NR3C2: variants seen among roughly 807,000 people sequenced by gnomAD.
NR3C2 encodes the protein nuclear receptor subfamily 3 group C member 2.
In NR3C2, 15 loss-of-function variants were observed where a neutral mutation model predicts 86.4. The observed-to-expected ratio is 0.17, with a 90% CI of 0.12 to 0.27. The LOEUF is 0.27. Among genes scored for constraint, NR3C2 ranks in the 10% least tolerant of loss-of-function variants. NR3C2 has a pLI of 1.00. For missense variants in NR3C2, 960 were observed against 1,195.6 expected (o/e 0.80, Z 2.91); for synonymous variants, 458 against 450.5 (o/e 1.02, Z -0.21).
chr4:148,112,566 GC>G (rs1382148790), intron 8 of NR3C2, among the ~76,000 whole-genome samples: 3 of 152,148 alleles, frequency 2.0e-5, no homozygotes, highest in African/African-American at 7.2e-5. Flanking sequence ...AGCCTTGCTT[GC>G]CATCATCTCT....
chr4:148,308,588 G>A (rs148104310), intron 2 of NR3C2, among the ~76,000 whole-genome samples: 1 of 152,148 alleles, frequency 6.6e-6, no homozygotes, highest in South Asian at 2.1e-4. Context: ...GAAGGGTATG[G>A]GGAAGGGGGC....
chr4:148,341,570 T>A (rs1386235778), intron 2 of NR3C2, among the ~76,000 whole-genome samples: 1 of 152,100 alleles, frequency 6.6e-6, no homozygotes, highest in Non-Finnish European at 1.5e-5. Context: ...TAAATATAAT[T>A]TGTTGTATAG....
At chr4:148,333,770 C>T (rs1744348629) in intron 2 of NR3C2, among the ~76,000 whole-genome samples, 1 of 152,074 alleles carries the variant, frequency 6.6e-6, no homozygotes, top group South Asian at 2.1e-4. Context: ...GTTTTTGTCA[C>T]AAGAACAGAC....
chr4:148,350,358 T>G (rs1039146136), intron 2 of NR3C2, among the ~76,000 whole-genome samples: 1 of 152,218 alleles, frequency 6.6e-6, no homozygotes, highest in Non-Finnish European at 1.5e-5. Flanking sequence ...ATGGGAATGC[T>G]ATTCATAACA....
chr4:148,289,091 G>A (rs774506512), intron 2 of NR3C2, among the ~76,000 whole-genome samples: 4 of 151,972 alleles, frequency 2.6e-5, no homozygotes, highest in Admixed American at 6.6e-5. Context: ...ATTAAAAGGC[G>A]TTTTTGAGAC....
At chr4:148,276,016 AAAT>A (rs1554003911) in intron 2 of NR3C2, among the ~76,000 whole-genome samples, 1 of 152,228 alleles carries the variant, frequency 6.6e-6, no homozygotes, top group Non-Finnish European at 1.5e-5. Context: ...AGTACTATTT[AAAT>A]ATTATTCATA....
chr4:148,247,631 G>T (rs993527280), intron 3 of NR3C2, among the ~76,000 whole-genome samples: 1 of 150,830 alleles, frequency 6.6e-6, no homozygotes, highest in Admixed American at 6.6e-5. Flanking sequence ...GTATCCGTGG[G>T]CCTTTTTATT....
rs921370707 is a variant in NR3C2 at position 148,233,625 on chromosome 4, G to A, written c.1897+26353C>T. 1.4e-4 allele frequency among the ~76,000 whole-genome samples: 22 copies of A among 152,226 alleles called. 1 individual carries two copies. Among genetic ancestry groups the A allele is most frequent in the Middle Eastern group, 6.8e-3 (2 of 294 alleles). On this transcript the variant is annotated intron_variant, in intron 3 of 8. Transcript: ENST00000358102. ...TCCTCCCACCTCAGCCTCCCAAAGA[G>A]CTCAACTCAATTGGGCTAATTTCAA...
At chr4:148,203,207 G>A (rs1475518210) in intron 3 of NR3C2, among the ~76,000 whole-genome samples, 2 of 151,916 alleles carry the variant, frequency 1.3e-5, no homozygotes, top group Admixed American at 1.3e-4. Flanking sequence ...ATTCAAACAT[G>A]GGAACTATAT....
chr4:148,144,254 G>C (rs765540214), intron 6 of NR3C2, among the ~76,000 whole-genome samples: 7 of 152,060 alleles, frequency 4.6e-5, no homozygotes, highest in African/African-American at 7.2e-5. Context: ...ACCCAGGCTG[G>C]GGTGCAGTGG....
At chr4:148,164,310 AACTT>A (rs776100159) in intron 4 of NR3C2, among the ~76,000 whole-genome samples, 71 of 152,322 alleles carry the variant, frequency 4.7e-4, no homozygotes, top group African/African-American at 6.5e-4. Flanking sequence ...AAAAAAATAG[AACTT>A]ACTAAGGAAA....
At chr4:148,278,701 T>C (rs1448939736) in intron 2 of NR3C2, among the ~76,000 whole-genome samples, 1 of 152,156 alleles carries the variant, frequency 6.6e-6, no homozygotes, top group Non-Finnish European at 1.5e-5. Flanking sequence ...TGTCAAGAAA[T>C]TCCTCCTTAA....
intron 2 of NR3C2, among the ~76,000 whole-genome samples, chr4:148,389,522 T>C (rs17484839): frequency 0.078 from 11,825 of 152,192 alleles, 627 homozygotes; most frequent in Middle Eastern, 0.12. Flanking sequence ...TTCTTGTCCT[T>C]TGCTCGTTTC....
chr4:148,128,481 C>T (rs910594688), intron 6 of NR3C2, among the ~76,000 whole-genome samples: 4 of 152,222 alleles, frequency 2.6e-5, no homozygotes, highest in African/African-American at 9.6e-5. Context: ...CTATGAATGC[C>T]TGTAGAACTT....
At chr4:148,121,696 A>G (rs1267468313) in intron 6 of NR3C2, among the ~76,000 whole-genome samples, 1 of 152,244 alleles carries the variant, frequency 6.6e-6, no homozygotes, top group Non-Finnish European at 1.5e-5. Flanking sequence ...AACAGCATAC[A>G]GTACTGCTTT....
chr4:148,299,539 T>TGG (rs1742228219), intron 2 of NR3C2, among the ~76,000 whole-genome samples: 2 of 152,202 alleles, frequency 1.3e-5, no homozygotes, highest in African/African-American at 4.8e-5. Flanking sequence ...TGGCTGGAGC[T>TGG]GGGGCACATG....
At position 148,279,182 on chromosome 4, in the gene NR3C2, T is replaced by C. The variant is rs554176188; in HGVS notation, c.1758-19065A>G. The stretch of plus-strand genomic sequence containing the variant: ...CGTCTCAATAAATAAATAAATAAAG[T>C]TCTGGCTTTGAAACTAGTCTTGAAT... On this transcript the variant is annotated intron_variant, in intron 2 of 8. Coordinates refer to ENST00000358102, the MANE Select transcript of NR3C2 (RefSeq NM_000901.5). Among the ~76,000 whole-genome samples the C allele has an allele frequency of 2.0e-5, 3 of 152,098 alleles. No individual in the cohort carries two copies. The East Asian group carries it at 5.8e-4, about 29-fold the overall frequency.
rs191975772 is a variant in NR3C2 at position 148,275,710 on chromosome 4, G to A, written c.1758-15593C>T. On this transcript the variant is annotated intron_variant, in intron 2 of 8. Transcript: ENST00000358102. ...CTCTCAAGGTGCTGGGATTACAGGC[G>A]TGAGCCACAGTGCCCAGATGCCAAT... Among the ~76,000 whole-genome samples the A allele has an allele frequency of 1.8e-4, 28 of 152,146 alleles. No individual in the cohort carries two copies. In the East Asian group the frequency reaches 2.5e-3, roughly 14 times the overall value.
intron 2 of NR3C2, among the ~76,000 whole-genome samples, chr4:148,273,318 TCC>T (rs1275706786): frequency 6.6e-6 from 1 of 152,228 alleles, no homozygotes; most frequent in Non-Finnish European, 1.5e-5. Flanking sequence ...ATGGCAATAT[TCC>T]CTTTCTTGTG....
Sources: gnomAD v4.1 joint callset for allele counts (sites outside exome capture counted in the v4.1 genomes callset) on GRCh38, gnomAD v4.1.1 for gene constraint, MANE v1.5 for transcripts, NCBI Gene and HGNC (gene_info 2026-07-23, HGNC 2026-07-21) for gene names.